The following ARFIP1 variants were observed in gnomAD, a reference collection of about 807,000 sequenced individuals.
ARFIP1 encodes the protein arfaptin-1.
In ARFIP1, 24 loss-of-function variants were observed where a neutral mutation model predicts 42.5. The ratio of observed to expected loss-of-function variants is 0.57; its 90% confidence interval spans 0.41 to 0.80. The LOEUF is 0.80. ARFIP1 is among the 30% of genes least tolerant of loss of function. ARFIP1 has a pLI of 0.00. For synonymous variants in ARFIP1, 141 were observed against 153.7 expected (o/e 0.92, Z 0.61); for missense variants, 354 against 434.0 (o/e 0.82, Z 1.64).
chr4:152,829,758 G>A, intron 2 of ARFIP1, 32 bp downstream of exon 2: 1 of 1,502,044 alleles, frequency 6.7e-7, no homozygotes, highest in Non-Finnish European at 9.1e-7. Flanking sequence ...TTAATGCAAA[G>A]AATCATGGTA....
intron 5 of ARFIP1, among the ~76,000 whole-genome samples, chr4:152,875,162 T>C (rs1431093111): frequency 6.6e-6 from 1 of 152,144 alleles, no homozygotes; most frequent in Non-Finnish European, 1.5e-5. Context: ...AAATATATAA[T>C]AGGAGCAATT....
At chr4:152,867,628 CTTAAAG>C (rs1734523974) in intron 3 of ARFIP1, among the ~76,000 whole-genome samples, 1 of 151,984 alleles carries the variant, frequency 6.6e-6, no homozygotes, top group African/African-American at 2.4e-5. Context: ...CATTTTTCCC[CTTAAAG>C]TTATTGTATA....
intron 5 of ARFIP1, among the ~76,000 whole-genome samples, chr4:152,876,183 T>G (rs1735315793): frequency 6.6e-6 from 1 of 152,242 alleles, no homozygotes; most frequent in South Asian, 2.1e-4. Context: ...TGGAACTGGG[T>G]AACAAGCAGA....
At chr4:152,863,778 A>G (rs1217418902) in intron 3 of ARFIP1, 64 bp downstream of exon 3, 26 of 1,002,274 alleles carry the variant, frequency 2.6e-5, no homozygotes, top group Non-Finnish European at 3.7e-5. Flanking sequence ...ACCAAATGCT[A>G]CCTTTATTAA....
chr4:152,875,590 C>T (rs979483731), intron 5 of ARFIP1, among the ~76,000 whole-genome samples: 8 of 152,150 alleles, frequency 5.3e-5, no homozygotes, highest in African/African-American at 1.4e-4. Flanking sequence ...TATTGGTTGA[C>T]TTACTTCCCC....
At chr4:152,804,045 ATT>A (rs1438819118) in intron 1 of ARFIP1, among the ~76,000 whole-genome samples, 7 of 129,450 alleles carry the variant, frequency 5.4e-5, no homozygotes, top group Non-Finnish European at 7.8e-5. Context: ...TAATATATAT[ATT>A]ATATATAATA....
At chr4:152,844,348 A>G (rs1201203574) in intron 2 of ARFIP1, among the ~76,000 whole-genome samples, 1 of 152,220 alleles carries the variant, frequency 6.6e-6, no homozygotes. Flanking sequence ...TTGTTCTTGC[A>G]GTCAATCTGG....
intron 5 of ARFIP1, among the ~76,000 whole-genome samples, chr4:152,879,604 C>T (rs1234599535): frequency 6.6e-6 from 1 of 152,172 alleles, no homozygotes; most frequent in Non-Finnish European, 1.5e-5. Flanking sequence ...AATCCCAGCA[C>T]TTTGGGAGGC....
At chr4:152,826,131 T>C (rs1338684724) in intron 1 of ARFIP1, among the ~76,000 whole-genome samples, 1 of 152,182 alleles carries the variant, frequency 6.6e-6, no homozygotes, top group East Asian at 1.9e-4. Context: ...ACTGGGTATC[T>C]ACCCAAAGGA....
At chr4:152,803,400 G>C (rs766498143) in intron 1 of ARFIP1, among the ~76,000 whole-genome samples, 1 of 152,224 alleles carries the variant, frequency 6.6e-6, no homozygotes, top group Middle Eastern at 3.4e-3. Flanking sequence ...ACATATTTGG[G>C]TAATTTTTTA....
chr4:152,800,283 A>G (rs1728290414), intron 1 of ARFIP1, among the ~76,000 whole-genome samples: 1 of 152,200 alleles, frequency 6.6e-6, no homozygotes, highest in Non-Finnish European at 1.5e-5. Flanking sequence ...CTAATAGGCA[A>G]CATTCATTGA....
intron 8 of ARFIP1, among the ~76,000 whole-genome samples, chr4:152,908,988 T>G (rs1287438148): frequency 6.6e-6 from 1 of 151,830 alleles, no homozygotes; most frequent in Non-Finnish European, 1.5e-5. Flanking sequence ...TTTAGCATCG[T>G]GTTTCAAATA....
At chr4:152,790,923 A>G (rs1169669143) in intron 1 of ARFIP1, among the ~76,000 whole-genome samples, 2 of 149,538 alleles carry the variant, frequency 1.3e-5, no homozygotes, top group Non-Finnish European at 3.0e-5. Flanking sequence ...TTTTTTATAG[A>G]GACGAGGTTT....
rs559615998 is a variant in ARFIP1 at position 152,841,283 on chromosome 4, C to G, written c.93+11557C>G. Among the ~76,000 whole-genome samples the G allele has an allele frequency of 1.6e-3, 240 of 152,296 alleles. 2 individuals are homozygous for G. The highest frequency in any genetic ancestry group is 2.7e-3 in the Non-Finnish European group (186 of 68,030). ...TCTCCTGACCTCGTGATCCGCCCCCCTCAGCCTCCCAAAATGCTGGGATTA... is the reference window on the plus strand; with the variant it reads ...TCTCCTGACCTCGTGATCCGCCCCCGTCAGCCTCCCAAAATGCTGGGATTA... On this transcript the variant is annotated intron_variant, in intron 2 of 8. Transcript: ENST00000353617.
intron 1 of ARFIP1, chr4:152,796,832 C>G (rs1277899390): frequency 8.6e-6 from 5 of 583,032 alleles, no homozygotes; most frequent in Non-Finnish European, 1.2e-5. Context: ...CATTCTGTGG[C>G]ACAGTGACGG....
chr4:152,861,301 G>T (rs1469944481), intron 2 of ARFIP1, among the ~76,000 whole-genome samples: 1 of 152,072 alleles, frequency 6.6e-6, no homozygotes, highest in East Asian at 1.9e-4. Context: ...TCATCTTTAG[G>T]AACTGTTTTG....
At chr4:152,805,675 G>A (rs952637433) in intron 1 of ARFIP1, among the ~76,000 whole-genome samples, 4 of 152,218 alleles carry the variant, frequency 2.6e-5, no homozygotes, top group Admixed American at 1.3e-4. Context: ...GGAAAGAATA[G>A]TATTAATGTA....
chr4:152,909,665 G>C (rs1738676400), intron 8 of ARFIP1, among the ~76,000 whole-genome samples: 1 of 152,114 alleles, frequency 6.6e-6, no homozygotes, highest in African/African-American at 2.4e-5. Flanking sequence ...ATAAAGCTTA[G>C]ATTTAATGAT....
chr4:152,888,943 T>C (rs1736495758), intron 8 of ARFIP1, among the ~76,000 whole-genome samples: 1 of 152,158 alleles, frequency 6.6e-6, no homozygotes. Context: ...ATTACTTGCA[T>C]ATTCAGCTTT....
Sources: allele counts gnomAD v4.1 joint callset (sites outside exome capture counted in the v4.1 genomes callset), GRCh38; gene constraint gnomAD v4.1.1; transcripts MANE v1.5; gene names NCBI Gene and HGNC (gene_info 2026-07-23, HGNC 2026-07-21).